MCPH1: variants seen among roughly 807,000 people sequenced by gnomAD.
MCPH1 encodes the protein microcephalin 1.
Under a neutral mutation model 84.5 loss-of-function variants are expected in MCPH1, and 104 were observed. The observed-to-expected ratio is 1.23, with a 90% CI of 1.05 to 1.45. MCPH1 has a LOEUF of 1.45. MCPH1 is among the 40% of genes most tolerant of loss of function. The probability of loss-of-function intolerance (pLI) is 0.00; values close to 1 mark genes in which losing one functional copy is unlikely to be tolerated. For synonymous variants in MCPH1, 514 were observed against 366.8 expected (o/e 1.40, Z -4.58); for missense variants, 1,498 against 1,005.7 (o/e 1.49, Z -6.62).
chr8:6,626,980 T>A lies in MCPH1; in HGVS notation c.2452+5289T>A, dbSNP rs568533247. ...ACATAATGTAATATTCTCAACAGCA[T>A]TGCCAAAAAAAAAAAAAAGTTTAGC... On this transcript the variant is annotated intron_variant, in intron 13 of 13. Coordinates refer to ENST00000344683, the MANE Select transcript of MCPH1 (RefSeq NM_024596.5). 106 of 973,702 alleles carry A rather than the reference T, an allele frequency of 1.1e-4. No homozygotes were observed. In the African/African-American group the frequency reaches 1.2e-3, roughly 11 times the overall value. 60.3% of individuals were successfully genotyped at this position (973,702 alleles called of 1,614,324 possible).
intron 3 of MCPH1, among the ~76,000 whole-genome samples, chr8:6,423,608 C>T (rs1248389373): frequency 6.6e-6 from 1 of 152,080 alleles, no homozygotes; most frequent in African/African-American, 2.4e-5. Flanking sequence ...TGAAGTTTTT[C>T]ATTTCTTAGT....
In MCPH1 at chr8:6,567,008, C is replaced by T. The variant is rs559129190; in HGVS notation, c.2215-54446C>T. Among the ~76,000 whole-genome samples, 17 of 138,488 alleles carry T rather than the reference C, an allele frequency of 1.2e-4. 3 individuals carry two copies. The South Asian group carries it at 3.3e-3, about 27-fold the overall frequency. 90.9% of individuals were successfully genotyped at this position (138,488 alleles called of 152,430 possible). ...GGTGACGGTGTGTGATCGGCAAGGC[C>T]ATAGATAGTGCACGCGGTGCGGTGA... is the stretch of plus-strand genomic sequence containing the variant. On this transcript the variant is annotated intron_variant, in intron 12 of 13. Transcript: ENST00000344683.
rs780022348 is a variant in MCPH1 at position 6,436,101 on chromosome 8, G to C, written c.375G>C (p.Lys125Asn). 2.5e-6 allele frequency: 4 copies of C among 1,613,746 alleles called. No individual in the cohort carries two copies. In the South Asian group the frequency reaches 4.4e-5, roughly 18 times the overall value. ...ATTTTAAAACACCAGAAAATGATAAGAGATTTCAGAAGAAATTTGAGAAAA... is the reference window on the plus strand; with the variant it reads ...ATTTTAAAACACCAGAAAATGATAACAGATTTCAGAAGAAATTTGAGAAAA... ...DFNFKTPENDKRFQKKFEKMA... is the reference protein window; with the variant it reads ...DFNFKTPENDNRFQKKFEKMA... The change falls in exon 5 of 14, where the codon AAG becomes AAC. Residue 125 changes from lysine (K) to asparagine (N), a missense_variant. By Grantham distance (94) the Lys-to-Asn change is moderately conservative. Coordinates refer to ENST00000344683, the MANE Select transcript of MCPH1 (RefSeq NM_024596.5).
intron 9 of MCPH1, among the ~76,000 whole-genome samples, chr8:6,466,199 C>T (rs1230791623): frequency 2.1e-5 from 3 of 144,246 alleles, no homozygotes; most frequent in African/African-American, 5.2e-5. Context: ...TGCAGTTGCG[C>T]GATCTTTGCT....
At chr8:6,416,779 A>C (rs1799361822) in intron 3 of MCPH1, among the ~76,000 whole-genome samples, 1 of 152,110 alleles carries the variant, frequency 6.6e-6, no homozygotes, top group African/African-American at 2.4e-5. Flanking sequence ...GGATCACCTG[A>C]GATTAGGAGT....
intron 4 of MCPH1, among the ~76,000 whole-genome samples, chr8:6,432,537 A>G (rs936245060): frequency 2.6e-5 from 4 of 152,314 alleles, no homozygotes; most frequent in African/African-American, 9.6e-5. Context: ...AAAAGTTCTA[A>G]TTGTGATTTC....
At chr8:6,492,643 T>G (rs1399099026) in intron 11 of MCPH1, among the ~76,000 whole-genome samples, 2 of 148,178 alleles carry the variant, frequency 1.3e-5, no homozygotes, top group South Asian at 4.2e-4. Flanking sequence ...TATTTAATAA[T>G]ATTAATATTA....
At chr8:6,486,286 C>T (rs1487581706) in intron 11 of MCPH1, among the ~76,000 whole-genome samples, 1 of 144,838 alleles carries the variant, frequency 6.9e-6, no homozygotes, top group African/African-American at 2.5e-5. Flanking sequence ...CTCTCTCTCT[C>T]TCTCTCTCTG....
chr8:6,447,229 C>T (rs1319802301), intron 8 of MCPH1: 2 of 985,236 alleles, frequency 2.0e-6, no homozygotes, highest in Non-Finnish European at 2.4e-6. Context: ...CCCTGGGACT[C>T]AGGTGAACCA....
At chr8:6,521,983 T>C (rs991580578) in intron 12 of MCPH1, among the ~76,000 whole-genome samples, 1 of 152,184 alleles carries the variant, frequency 6.6e-6, no homozygotes. Flanking sequence ...AGTCACCCTA[T>C]GCGTTAATGT....
chr8:6,634,033 G>A (rs762143430), intron 13 of MCPH1, among the ~76,000 whole-genome samples: 1 of 152,130 alleles, frequency 6.6e-6, no homozygotes, highest in Non-Finnish European at 1.5e-5. Context: ...AGAAGGATAC[G>A]CTTTTGAAGT....
At chr8:6,512,217 C>T (rs930872369) in intron 12 of MCPH1, among the ~76,000 whole-genome samples, 5 of 152,168 alleles carry the variant, frequency 3.3e-5, no homozygotes, top group South Asian at 2.1e-4. Flanking sequence ...ACTGTTTGTA[C>T]AGCAGGACAT....
At chr8:6,481,508 CAGT>C (rs1809238471) in intron 11 of MCPH1, among the ~76,000 whole-genome samples, 1 of 152,212 alleles carries the variant, frequency 6.6e-6, no homozygotes, top group Non-Finnish European at 1.5e-5. Context: ...TTTCTGGTGA[CAGT>C]AGCATCACTT....
intron 12 of MCPH1, among the ~76,000 whole-genome samples, chr8:6,620,735 C>A (rs113773492): frequency 2.0e-5 from 3 of 152,162 alleles, no homozygotes; most frequent in African/African-American, 7.2e-5. Flanking sequence ...TAGGAAAATG[C>A]GTGTTCAGAA....
At chr8:6,503,935 C>A (rs1215971567) in intron 12 of MCPH1, among the ~76,000 whole-genome samples, 1 of 152,166 alleles carries the variant, frequency 6.6e-6, no homozygotes, top group Non-Finnish European at 1.5e-5. Flanking sequence ...ACACAGTAGT[C>A]CCCCCTTATC....
chr8:6,413,808 G>A (rs1467126592), intron 2 of MCPH1, among the ~76,000 whole-genome samples: 1 of 150,668 alleles, frequency 6.6e-6, no homozygotes, highest in African/African-American at 2.5e-5. Flanking sequence ...AGGCTGGAGT[G>A]CAATGGCACA....
At chr8:6,577,102 T>A (rs1827188489) in intron 12 of MCPH1, among the ~76,000 whole-genome samples, 1 of 152,182 alleles carries the variant, frequency 6.6e-6, no homozygotes, top group Non-Finnish European at 1.5e-5. Flanking sequence ...AGCCACTGGG[T>A]TCCTGCTGCA....
intron 5 of MCPH1, among the ~76,000 whole-genome samples, 176 bp downstream of exon 5, chr8:6,436,338 A>G (rs1802634649): frequency 6.6e-6 from 1 of 152,256 alleles, no homozygotes; most frequent in Non-Finnish European, 1.5e-5. Flanking sequence ...GGGAGCCATA[A>G]TAGAGCCACG....
chr8:6,465,053 G>A (rs1409710422), intron 9 of MCPH1, among the ~76,000 whole-genome samples: 27 of 152,056 alleles, frequency 1.8e-4, no homozygotes, highest in Admixed American at 1.4e-3. Flanking sequence ...CTGAGCAAAG[G>A]AGAGATGTGG....
Sources: gnomAD v4.1 joint callset for allele counts (sites outside exome capture counted in the v4.1 genomes callset) on GRCh38, gnomAD v4.1.1 for gene constraint, MANE v1.5 for transcripts, NCBI Gene and HGNC (gene_info 2026-07-23, HGNC 2026-07-21) for gene names.